Variants in NEDD8 observed in about 807,000 individuals in gnomAD.
The protein encoded by NEDD8 is NEDD8 ubiquitin like modifier, also known as ubiquitin-like protein NEDD8.
In NEDD8, 1 loss-of-function variant was observed where a neutral mutation model predicts 13.8. That is an observed-to-expected ratio of 0.07 (90% CI 0.03 to 0.34). The LOEUF (loss-of-function observed/expected upper bound fraction) is 0.34. Among genes scored for constraint, NEDD8 ranks in the 10% least tolerant of loss-of-function variants. NEDD8 has a pLI of 0.99. For missense variants in NEDD8, 10 were observed against 95.2 expected, an observed-to-expected ratio of 0.10 and a Z score of 3.73; for synonymous variants, 31 against 33.2, an observed-to-expected ratio of 0.93 and a Z score of 0.23.
intron 1 of NEDD8, among the ~76,000 whole-genome samples, chr14:24,221,378 C>A (rs1216643829): frequency 2.7e-5 from 4 of 150,936 alleles, no homozygotes; most frequent in African/African-American, 9.8e-5. Context: ...ACATACTGGG[C>A]TCAGGTGATC....
intron 1 of NEDD8, 154 bp from the exon 2 acceptor site, chr14:24,218,585 T>C: frequency 1.0e-6 from 1 of 987,644 alleles, no homozygotes; most frequent in Non-Finnish European, 1.5e-6. Flanking sequence ...GCTTTGAACA[T>C]ACCTTCATTT....
chr14:24,225,279 C>T (rs562241954), intron 1 of NEDD8, among the ~76,000 whole-genome samples: 9 of 151,476 alleles, frequency 5.9e-5, no homozygotes, highest in East Asian at 1.9e-4. Flanking sequence ...GGAGAATCTA[C>T]GGATTTAAAG....
chr14:24,218,518 T>C, intron 1 of NEDD8, 87 bp from the exon 2 acceptor site: 1 of 1,575,564 alleles, frequency 6.3e-7, no homozygotes, highest in Non-Finnish European at 8.7e-7. Flanking sequence ...GTCTTTGGGA[T>C]CTACTGCCTT....
At chr14:24,217,402 G>A (rs1258502246) in intron 3 of NEDD8, among the ~76,000 whole-genome samples, 179 bp from the exon 4 acceptor site, 1 of 152,068 alleles carries the variant, frequency 6.6e-6, no homozygotes, top group African/African-American at 2.4e-5. Flanking sequence ...CAATTCTCCT[G>A]CTTCAGCCTC....
intron 3 of NEDD8, 135 bp from the exon 4 acceptor site, chr14:24,217,358 C>T (rs1304415972): frequency 1.5e-6 from 1 of 670,212 alleles, no homozygotes; most frequent in South Asian, 1.9e-5. Context: ...GGCACGATCT[C>T]AGCTCACTGC....
chr14:24,217,008 T>G lies in NEDD8; in HGVS notation c.*119A>C, dbSNP rs11538588. The G allele has an allele frequency of 2.3e-5, 18 of 782,510 alleles. No homozygotes were observed. Among genetic ancestry groups the G allele is most frequent in the Non-Finnish European group, 3.5e-5 (17 of 482,090 alleles). The allele number at this position is 782,510 out of a possible 1,614,324, so 48.5% of individuals were successfully genotyped here. On this transcript the variant is annotated 3_prime_UTR_variant, in exon 4 of 4. Coordinates refer to ENST00000250495, the MANE Select transcript of NEDD8 (RefSeq NM_006156.3). Reference sequence around the variant, plus strand: ...TGGGATCCTCACAGTCTCCCACCAGTAGACATACATTACTGGGCATCCAGG... The same window carrying G: ...TGGGATCCTCACAGTCTCCCACCAGGAGACATACATTACTGGGCATCCAGG...
chr14:24,231,236 T>C (rs969937498), intron 1 of NEDD8, among the ~76,000 whole-genome samples: 5 of 152,134 alleles, frequency 3.3e-5, no homozygotes, highest in Non-Finnish European at 7.3e-5. Context: ...ACCTATTAAA[T>C]TGATGTTACG....
At chr14:24,231,338 T>C (rs2040011653) in intron 1 of NEDD8, among the ~76,000 whole-genome samples, 2 of 152,242 alleles carry the variant, frequency 1.3e-5, no homozygotes, top group South Asian at 4.1e-4. Flanking sequence ...AAGAAGTAGT[T>C]TGGAAGGACT....
chr14:24,230,770 A>C (rs1379938896), intron 1 of NEDD8, among the ~76,000 whole-genome samples: 4 of 151,324 alleles, frequency 2.6e-5, no homozygotes, highest in African/African-American at 9.7e-5. Context: ...GGCGCCCACC[A>C]CCACGCCCGG....
chr14:24,222,757 C>A (rs2039827685), intron 1 of NEDD8, among the ~76,000 whole-genome samples: 1 of 151,950 alleles, frequency 6.6e-6, no homozygotes, highest in South Asian at 2.1e-4. Flanking sequence ...TTTTTTCTAA[C>A]CAAATCCTAA....
At chr14:24,231,432 C>CA (rs1000668709) in intron 1 of NEDD8, among the ~76,000 whole-genome samples, 2 of 119,284 alleles carry the variant, frequency 1.7e-5, no homozygotes, top group African/African-American at 6.6e-5. Flanking sequence ...TACTTAGCTA[C>CA]AAAAAGGCCA....
chr14:24,232,324 G>A lies in NEDD8; in HGVS notation c.-57C>T, dbSNP rs1352863391. On this transcript the variant is annotated 5_prime_UTR_variant, in exon 1 of 4. Coordinates refer to ENST00000250495, the MANE Select transcript of NEDD8 (RefSeq NM_006156.3). ...AATTGCTGCTCCTACCGCTCCGGTC[G>A]CCGCTGCCGCCCTCCAGCACTCTTG... The A allele has an allele frequency of 1.9e-6, 3 of 1,597,112 alleles. No homozygotes were observed. Among genetic ancestry groups the A allele is most frequent in the Non-Finnish European group, 2.6e-6 (3 of 1,173,306 alleles).
intron 1 of NEDD8, among the ~76,000 whole-genome samples, chr14:24,220,141 G>C (rs2039780604): frequency 6.6e-6 from 1 of 152,110 alleles, no homozygotes; most frequent in Non-Finnish European, 1.5e-5. Context: ...ATGATGTGTA[G>C]ACCTGTTCCC....
At chr14:24,223,569 G>T (rs2039842498) in intron 1 of NEDD8, among the ~76,000 whole-genome samples, 2 of 151,368 alleles carry the variant, frequency 1.3e-5, no homozygotes, top group Non-Finnish European at 1.5e-5. Flanking sequence ...ATTTATTTGA[G>T]ATGGAGTCTT....
At chr14:24,218,014 C>G in intron 3 of NEDD8, 119 bp downstream of exon 3, 1 of 1,302,430 alleles carries the variant, frequency 7.7e-7, no homozygotes. Flanking sequence ...CACCAGATTG[C>G]CAAAGAGTCT....
intron 1 of NEDD8, among the ~76,000 whole-genome samples, chr14:24,220,428 C>T (rs1212742548): frequency 6.6e-6 from 1 of 151,996 alleles, no homozygotes. Flanking sequence ...TTCAAACAAC[C>T]CTCCCACCTC....
intron 1 of NEDD8, among the ~76,000 whole-genome samples, chr14:24,230,438 G>A (rs2039973670): frequency 6.9e-6 from 1 of 144,108 alleles, no homozygotes; most frequent in African/African-American, 2.6e-5. Flanking sequence ...GGGAGGCTGA[G>A]GCAGGAGAAT....
intron 1 of NEDD8, among the ~76,000 whole-genome samples, chr14:24,224,888 G>A (rs567157274): frequency 1.3e-5 from 2 of 152,334 alleles, no homozygotes; most frequent in Non-Finnish European, 2.9e-5. Context: ...GCCCGTTGTG[G>A]TGTCTCATGC....
In NEDD8 at chr14:24,218,103, G is replaced by A. The variant is rs376538049; in HGVS notation, c.149+30C>T. 5.6e-6 allele frequency: 9 copies of A among 1,613,208 alleles called. No homozygotes were observed. In the East Asian group the frequency reaches 6.7e-5, roughly 12 times the overall value. ...CCTCTTCTCATCTTCACATAAGATC[G>A]CCATGCTGTCATTCTCACTCCAAAC... On this transcript the variant is annotated intron_variant, in intron 3 of 3. Coordinates refer to ENST00000250495, the MANE Select transcript of NEDD8 (RefSeq NM_006156.3).
Sources: gnomAD v4.1 joint callset for allele counts (sites outside exome capture counted in the v4.1 genomes callset) on GRCh38, gnomAD v4.1.1 for gene constraint, MANE v1.5 for transcripts, NCBI Gene and HGNC (gene_info 2026-07-23, HGNC 2026-07-21) for gene names.